The following CTNNAL1 variants were observed in gnomAD, a reference collection of about 807,000 sequenced individuals.
CTNNAL1 encodes catenin alpha like 1, also known as alpha-catulin.
A neutral mutation model predicts 93.6 loss-of-function variants in CTNNAL1; 69 were observed. The ratio of observed to expected loss-of-function variants is 0.74; its 90% CI spans 0.61 to 0.90. The LOEUF is 0.90. Ranked by LOEUF, CTNNAL1 falls within the 40% of genes least tolerant of loss-of-function variation. The probability of loss-of-function intolerance (pLI) is 0.00; values close to 1 mark genes in which losing one functional copy is unlikely to be tolerated. For missense variants in CTNNAL1, 836 were observed against 862.0 expected, an observed-to-expected ratio of 0.97 and a Z score of 0.38; for synonymous variants, 286 against 305.4, an observed-to-expected ratio of 0.94 and a Z score of 0.66.
chr9:108,950,680 G>C, intron 14 of CTNNAL1: 2 of 1,475,650 alleles, frequency 1.4e-6, no homozygotes, highest in Non-Finnish European at 9.0e-7. Flanking sequence ...ATAAAAGGAG[G>C]TGGATGCTCA....
chr9:108,954,973 T>A (rs55770053), intron 12 of CTNNAL1, among the ~76,000 whole-genome samples: 49 of 145,864 alleles, frequency 3.4e-4, no homozygotes, highest in Middle Eastern at 3.5e-3. Context: ...ATTTTATTTT[T>A]TTTTTTTTTG....
intron 8 of CTNNAL1, 31 bp from the exon 9 acceptor site, chr9:108,972,864 G>GCGCCCCCCCCCCCCCC: frequency 7.0e-6 from 1 of 142,588 alleles, no homozygotes; most frequent in Non-Finnish European, 1.0e-5. Flanking sequence ...GGGGGGGTGG[G>GCGCCCCCCCCCCCCCC]AGGGTGGAGA....
intron 9 of CTNNAL1, among the ~76,000 whole-genome samples, chr9:108,972,226 G>A (rs1183065970): frequency 6.6e-6 from 1 of 152,106 alleles, no homozygotes; most frequent in Non-Finnish European, 1.5e-5. Context: ...TACCAGCCTT[G>A]CTACCACTCG....
chr9:108,983,189 C>T lies in CTNNAL1; in HGVS notation c.856G>A (p.Asp286Asn). 4 of 1,571,728 alleles carry T rather than the reference C, an allele frequency of 2.5e-6. No individual in the cohort carries two copies. The highest frequency in any genetic ancestry group is 2.4e-5 in the East Asian group (1 of 42,380). Residue 286 changes from aspartate (D) to asparagine (N), a missense_variant, in exon 6 of 19, where the codon GAC becomes AAC. Physicochemically the swap from Asp to Asn is conservative, Grantham distance 23. Coordinates refer to ENST00000325551, the MANE Select transcript of CTNNAL1 (RefSeq NM_003798.4). ...GTAAAAATACTGATAGATGAAATGT[C>T]AGTCTCTCCATTCGGTTTACAGTCA... ...VTDCKPNGET[D>N]ISSISIFTGI...
chr9:108,983,867 G>A (rs1831516625), intron 5 of CTNNAL1, among the ~76,000 whole-genome samples: 1 of 152,150 alleles, frequency 6.6e-6, no homozygotes, highest in Non-Finnish European at 1.5e-5. Flanking sequence ...TTCTAGAATT[G>A]CACCAATTTG....
At chr9:108,947,627 G>GATTCT (rs1830444978) in intron 15 of CTNNAL1, among the ~76,000 whole-genome samples, 1 of 152,210 alleles carries the variant, frequency 6.6e-6, no homozygotes, top group Admixed American at 6.5e-5. Flanking sequence ...TAGAATTACA[G>GATTCT]ATGGGCCTAT....
At chr9:108,991,763 C>G in intron 3 of CTNNAL1, 2 of 327,996 alleles carry the variant, frequency 6.1e-6, no homozygotes, top group Non-Finnish European at 1.1e-5. Flanking sequence ...TCATTCAACA[C>G]TTATCAAGTG....
At chr9:108,976,569 C>A (rs1343735461) in intron 8 of CTNNAL1, among the ~76,000 whole-genome samples, 3 of 151,650 alleles carry the variant, frequency 2.0e-5, no homozygotes, top group African/African-American at 7.3e-5. Flanking sequence ...CTCACTCTGG[C>A]ACCCAGGCTG....
chr9:108,985,524 C>A (rs960952989), intron 4 of CTNNAL1, among the ~76,000 whole-genome samples: 4 of 152,182 alleles, frequency 2.6e-5, no homozygotes, highest in Admixed American at 6.5e-5. Flanking sequence ...ACAATAATAT[C>A]ACTCTCACTC....
At chr9:109,004,456 C>T (rs1435364988) in intron 1 of CTNNAL1, among the ~76,000 whole-genome samples, 2 of 152,114 alleles carry the variant, frequency 1.3e-5, no homozygotes, top group Non-Finnish European at 2.9e-5. Context: ...AGCCTCTTAG[C>T]CACTTAGCCA....
chr9:108,965,593 A>T (rs552978083), intron 10 of CTNNAL1, 65 bp from the exon 11 acceptor site: 6 of 909,960 alleles, frequency 6.6e-6, no homozygotes, highest in Non-Finnish European at 9.3e-6. Flanking sequence ...CACTTTGAAG[A>T]CCAAAGGTAA....
chr9:108,970,243 A>G (rs1198670556), intron 10 of CTNNAL1, among the ~76,000 whole-genome samples, 159 bp downstream of exon 10: 1 of 152,238 alleles, frequency 6.6e-6, no homozygotes, highest in Non-Finnish European at 1.5e-5. Context: ...AAGGTTAGCC[A>G]TGTTCTGGCA....
chr9:108,972,864 G>GGGCGCCCCCC, intron 8 of CTNNAL1, 31 bp from the exon 9 acceptor site: 2 of 142,568 alleles, frequency 1.4e-5, no homozygotes, highest in Non-Finnish European at 2.0e-5. Context: ...GGGGGGGTGG[G>GGGCGCCCCCC]AGGGTGGAGA....
intron 5 of CTNNAL1, among the ~76,000 whole-genome samples, chr9:108,983,732 A>G (rs1176937188): frequency 6.6e-6 from 1 of 152,234 alleles, no homozygotes; most frequent in Admixed American, 6.5e-5. Flanking sequence ...TAGACAAAAT[A>G]GAGTCTTCTG....
At chr9:108,981,491 A>C (rs898504250) in intron 6 of CTNNAL1, among the ~76,000 whole-genome samples, 4 of 152,138 alleles carry the variant, frequency 2.6e-5, no homozygotes, top group Admixed American at 2.0e-4. Context: ...AAACAAAAAA[A>C]AAAAAAACAG....
In CTNNAL1 at chr9:108,984,455, C is replaced by T. The variant is rs1333599764; in HGVS notation, c.640-19G>A. 2 of 1,446,470 alleles carry T rather than the reference C, an allele frequency of 1.4e-6. No individual in the cohort carries two copies. The highest frequency in any genetic ancestry group is 3.4e-5 in the Admixed American group (2 of 59,562). 89.6% of individuals were successfully genotyped at this position (1,446,470 alleles called of 1,614,324 possible). A position where few individuals can be genotyped will look rare whatever the true frequency, so the allele number is the denominator to read the frequency against. ...TCAAATCCTAAATATGAAATAAAAT[C>T]ACGGAGGAGTCTAAGACCATGTGAA... is the stretch of plus-strand genomic sequence containing the variant. On this transcript the variant is annotated intron_variant, in intron 4 of 18. Transcript: ENST00000325551.
intron 2 of CTNNAL1, 70 bp from the exon 3 acceptor site, chr9:108,992,889 T>A: frequency 2.0e-6 from 3 of 1,476,562 alleles, no homozygotes; most frequent in Non-Finnish European, 2.7e-6. Context: ...TCTCTAACCT[T>A]GAAGGTAAGG....
Position 108,983,302 on chromosome 9 carries a change from T to A in CTNNAL1, c.743A>T (p.His248Leu). Residue 248 changes from histidine to leucine, a missense_variant, in exon 6 of 19, where the codon CAT becomes CTT. Coordinates refer to ENST00000325551, the MANE Select transcript of CTNNAL1 (RefSeq NM_003798.4). ...TTTATGGGCTGATTCGCAGTTAGGA[T>A]GCCTCAGACATGTCTTCAAAACAAT... is the stretch of plus-strand genomic sequence containing the variant. ...LLTASKTCLRHPNCESAHKNK... is the reference protein window; with the variant it reads ...LLTASKTCLRLPNCESAHKNK... 1 of 1,548,172 alleles carries A rather than the reference T, an allele frequency of 6.5e-7. No individual in the cohort carries two copies. Among genetic ancestry groups the A allele is most frequent in the Non-Finnish European group, 8.7e-7 (1 of 1,149,260 alleles).
chr9:108,943,680 A>G (rs1179017808), intron 17 of CTNNAL1, 23 bp downstream of exon 17: 1 of 1,591,998 alleles, frequency 6.3e-7, no homozygotes, highest in Non-Finnish European at 8.5e-7. Flanking sequence ...GATGTGTGAA[A>G]GTTTTTCATA....
Sources: allele counts gnomAD v4.1 joint callset (sites outside exome capture counted in the v4.1 genomes callset), GRCh38; gene constraint gnomAD v4.1.1; transcripts MANE v1.5; gene names NCBI Gene and HGNC (gene_info 2026-07-23, HGNC 2026-07-21).